SULF1: variants seen among roughly 807,000 people sequenced by gnomAD.
The protein encoded by SULF1 is sulfatase 1.
In SULF1, 46 loss-of-function variants were observed where a neutral mutation model predicts 110.5. The ratio of observed to expected loss-of-function variants is 0.42; its 90% CI spans 0.33 to 0.53. SULF1 has a LOEUF of 0.53. Among genes scored for constraint, SULF1 ranks in the 20% least tolerant of loss-of-function variants. The pLI, the probability that SULF1 is intolerant of heterozygous loss-of-function variation, is 0.12. For missense variants in SULF1, 941 were observed against 1,094.2 expected (o/e 0.86, Z 1.98); for synonymous variants, 371 against 387.1 (o/e 0.96, Z 0.49).
chr8:69,654,014 A>G (rs1334654467), intron 22 of SULF1, among the ~76,000 whole-genome samples: 1 of 152,180 alleles, frequency 6.6e-6, no homozygotes, highest in Non-Finnish European at 1.5e-5. Context: ...AATACCTCCT[A>G]GGGCAAGGCC....
rs150435523 is a variant in SULF1, at chr8:69,654,350, C to G, written c.2586-4155C>G. Among the ~76,000 whole-genome samples, 959 of 152,196 alleles carry G rather than the reference C, an allele frequency of 6.3e-3. 6 individuals carry two copies. The highest frequency in any genetic ancestry group is 0.022 in the African/African-American group (896 of 41,562). ...TAGTCTAGTATTATCACTAGACTACCAATAATAGGCTAGCAAGTACCTCTT... is the reference window on the plus strand; with the variant it reads ...TAGTCTAGTATTATCACTAGACTACGAATAATAGGCTAGCAAGTACCTCTT... On this transcript the variant is annotated intron_variant, in intron 22 of 22. Transcript: ENST00000402687.
At chr8:69,638,940 T>C (rs1384795443) in intron 21 of SULF1, 82 bp downstream of exon 21, 1 of 1,343,846 alleles carries the variant, frequency 7.4e-7, no homozygotes, top group African/African-American at 1.5e-5. Context: ...AAACATTTAA[T>C]TGCACAGAAA....
At chr8:69,642,580 T>G (rs1355893233) in intron 22 of SULF1, among the ~76,000 whole-genome samples, 1 of 152,156 alleles carries the variant, frequency 6.6e-6, no homozygotes, top group East Asian at 1.9e-4. Context: ...CGATCTTCCC[T>G]GCCTCCCATC....
At chr8:69,585,806 C>A (rs1326054485) in intron 6 of SULF1, among the ~76,000 whole-genome samples, 1 of 152,088 alleles carries the variant, frequency 6.6e-6, no homozygotes, top group African/African-American at 2.4e-5. Flanking sequence ...GTGATATAAA[C>A]CCTGACCATA....
At chr8:69,509,222 C>T (rs1586259991) in intron 3 of SULF1, among the ~76,000 whole-genome samples, 1 of 152,138 alleles carries the variant, frequency 6.6e-6, no homozygotes, top group African/African-American at 2.4e-5. Context: ...GTGCTATTTC[C>T]ATCACCTTAT....
At chr8:69,519,522 C>T (rs556665027) in intron 3 of SULF1, among the ~76,000 whole-genome samples, 7 of 152,102 alleles carry the variant, frequency 4.6e-5, no homozygotes, top group Non-Finnish European at 8.8e-5. Context: ...CTATGCTAAC[C>T]TTACATAACA....
At chr8:69,583,401 C>G (rs1454728452) in intron 6 of SULF1, among the ~76,000 whole-genome samples, 1 of 99,592 alleles carries the variant, frequency 1.0e-5, no homozygotes, top group East Asian at 2.7e-4. Flanking sequence ...AACCCCATCT[C>G]TATTTAAAAA....
At chr8:69,473,715 T>G (rs1809189624) in intron 1 of SULF1, among the ~76,000 whole-genome samples, 1 of 152,238 alleles carries the variant, frequency 6.6e-6, no homozygotes, top group African/African-American at 2.4e-5. Flanking sequence ...TTTCATCTAC[T>G]GTCATGTAGT....
chr8:69,547,238 T>G (rs1814330493), intron 3 of SULF1, among the ~76,000 whole-genome samples: 1 of 152,238 alleles, frequency 6.6e-6, no homozygotes, highest in Admixed American at 6.5e-5. Context: ...CCATGTAAGT[T>G]GTTGTGAAAA....
intron 8 of SULF1, among the ~76,000 whole-genome samples, chr8:69,593,302 G>A (rs1311997187): frequency 1.3e-5 from 2 of 152,204 alleles, no homozygotes; most frequent in East Asian, 1.9e-4. Flanking sequence ...CTTCCTTAGC[G>A]AAAACATTAG....
intron 1 of SULF1, among the ~76,000 whole-genome samples, chr8:69,471,422 A>G (rs1809078485): frequency 6.6e-6 from 1 of 152,060 alleles, no homozygotes; most frequent in South Asian, 2.1e-4. Context: ...AATGAAACTC[A>G]GTGGGTTTTA....
intron 3 of SULF1, among the ~76,000 whole-genome samples, chr8:69,542,085 G>T (rs909694896): frequency 3.9e-5 from 6 of 152,216 alleles, no homozygotes; most frequent in African/African-American, 1.4e-4. Flanking sequence ...AGGTCTGGAG[G>T]ATAGGCATGT....
At chr8:69,621,377 C>A (rs1276646315) in intron 14 of SULF1, 126 bp downstream of exon 14, 4 of 610,654 alleles carry the variant, frequency 6.6e-6, no homozygotes, top group East Asian at 2.8e-5. Context: ...AGGCTAAAAG[C>A]ACATCATTGC....
At chr8:69,510,667 A>C (rs938850999) in intron 3 of SULF1, among the ~76,000 whole-genome samples, 1 of 148,588 alleles carries the variant, frequency 6.7e-6, no homozygotes, top group African/African-American at 2.5e-5. Context: ...CCCACACTGC[A>C]GTGCAGTCGT....
chr8:69,495,356 T>A (rs1247017914), intron 1 of SULF1, among the ~76,000 whole-genome samples: 1 of 152,008 alleles, frequency 6.6e-6, no homozygotes, highest in African/African-American at 2.4e-5. Context: ...GAATAGATAC[T>A]GCACTCCAGC....
At chr8:69,468,119 G>A (rs1023102886) in intron 1 of SULF1, among the ~76,000 whole-genome samples, 3 of 152,136 alleles carry the variant, frequency 2.0e-5, no homozygotes, top group African/African-American at 7.2e-5. Flanking sequence ...CTTGCCCTCC[G>A]ATAGCAACAT....
intron 3 of SULF1, among the ~76,000 whole-genome samples, chr8:69,512,030 A>C (rs1811602187): frequency 6.6e-6 from 1 of 152,198 alleles, no homozygotes; most frequent in Non-Finnish European, 1.5e-5. Flanking sequence ...CACGAAGAGA[A>C]GTTTCCTAAG....
intron 1 of SULF1, among the ~76,000 whole-genome samples, chr8:69,495,385 C>A (rs975949412): frequency 1.3e-5 from 2 of 151,890 alleles, no homozygotes; most frequent in Non-Finnish European, 2.9e-5. Context: ...CATAGTGAGA[C>A]CCTGGCTCTT....
chr8:69,483,555 C>A (rs1369802795), intron 1 of SULF1, among the ~76,000 whole-genome samples: 1 of 152,162 alleles, frequency 6.6e-6, no homozygotes, highest in African/African-American at 2.4e-5. Context: ...TCTTAGCATT[C>A]TAATGCCTTT....
Sources: allele counts gnomAD v4.1 joint callset (sites outside exome capture counted in the v4.1 genomes callset), GRCh38; gene constraint gnomAD v4.1.1; transcripts MANE v1.5; gene names NCBI Gene and HGNC (gene_info 2026-07-23, HGNC 2026-07-21).